Variants in IRAG2 observed in about 807,000 individuals in gnomAD.
IRAG2 encodes lymphoid restricted membrane protein.
IRAG2 carries 45 observed loss-of-function variants against 69.9 expected under a neutral mutation model. The observed-to-expected ratio is 0.64, with a 90% CI of 0.51 to 0.83. The LOEUF (loss-of-function observed/expected upper bound fraction) is 0.83. IRAG2 is among the 40% of genes least tolerant of loss of function. IRAG2 has a pLI of 0.00. For missense variants in IRAG2, 520 were observed against 587.0 expected (o/e 0.89, Z 1.18); for synonymous variants, 193 against 202.4 (o/e 0.95, Z 0.40).
In IRAG2 at chr12:25,063,740, A is replaced by G. The variant is rs1945785822; in HGVS notation, c.-283A>G. 4 of 398,920 alleles carry G rather than the reference A, an allele frequency of 1.0e-5. No individual in the cohort carries two copies. Among genetic ancestry groups the G allele is most frequent in the Non-Finnish European group, 1.3e-5 (3 of 226,066 alleles). 24.7% of individuals were successfully genotyped at this position (398,920 alleles called of 1,614,324 possible). A position where few individuals can be genotyped will look rare whatever the true frequency, so the allele number is the denominator to read the frequency against. On this transcript the variant is annotated 5_prime_UTR_variant, in exon 4 of 22. Transcript: ENST00000556887. ...TTCAGAAGCAGTGTTGCCACAAACTATATGGTGGTCAAGAAGCAAGAATAC... is the reference window on the plus strand; with the variant it reads ...TTCAGAAGCAGTGTTGCCACAAACTGTATGGTGGTCAAGAAGCAAGAATAC...
chr12:25,080,445 G>A (rs1048915944), intron 9 of IRAG2, among the ~76,000 whole-genome samples: 20 of 150,274 alleles, frequency 1.3e-4, no homozygotes, highest in Non-Finnish European at 2.1e-4. Context: ...TCCGCCTCCC[G>A]GGTTCACACC....
At chr12:25,074,800 T>C (rs75093090) in intron 6 of IRAG2, among the ~76,000 whole-genome samples, 1 of 152,362 alleles carries the variant, frequency 6.6e-6, no homozygotes, top group East Asian at 1.9e-4. Flanking sequence ...TGTCTCTCTT[T>C]GCGTTATCCT....
chr12:25,046,697 G>T (rs1944797475), intron 16 of IRAG2, among the ~76,000 whole-genome samples: 1 of 152,038 alleles, frequency 6.6e-6, no homozygotes, highest in Admixed American at 6.5e-5. Context: ...TAAATGAAAA[G>T]GCATCCTACG....
At chr12:25,001,943 G>A (rs554673001), upstream of IRAG2, among the ~76,000 whole-genome samples, 5 of 152,018 alleles carry the variant, frequency 3.3e-5, no homozygotes, top group South Asian at 1.0e-3. Context: ...GCTAATTTTT[G>A]TATTTTTAGT....
intron 16 of IRAG2, among the ~76,000 whole-genome samples, chr12:25,043,339 TG>T (rs890542699): frequency 2.0e-5 from 3 of 152,216 alleles, no homozygotes; most frequent in South Asian, 2.1e-4. Context: ...TCAGCTTTCC[TG>T]GGGGCTGCCT....
intron 16 of IRAG2, among the ~76,000 whole-genome samples, chr12:25,046,272 C>T (rs2139867318): frequency 6.6e-6 from 1 of 151,954 alleles, no homozygotes; most frequent in South Asian, 2.1e-4. Context: ...AATGGTAAAA[C>T]ACAAAGTTTT....
intron 16 of IRAG2, among the ~76,000 whole-genome samples, chr12:25,047,180 G>A (rs890553758): frequency 2.0e-5 from 3 of 152,154 alleles, no homozygotes; most frequent in Non-Finnish European, 2.9e-5. Context: ...ATTAAAAATG[G>A]ATTAAAGATG....
At chr12:25,068,303 G>C (rs540507121) in intron 5 of IRAG2, among the ~76,000 whole-genome samples, 160 of 152,292 alleles carry the variant, frequency 1.1e-3, no homozygotes, top group Non-Finnish European at 1.7e-3. Context: ...CAAATGAACA[G>C]CCAGATGAAG....
chr12:25,100,211 G>C (rs577441300), intron 15 of IRAG2, among the ~76,000 whole-genome samples: 11 of 152,040 alleles, frequency 7.2e-5, no homozygotes, highest in African/African-American at 2.2e-4. Context: ...AAGTTGGAAA[G>C]GAAGGAAGGA....
chr12:25,081,155 C>T (rs1216123850), intron 9 of IRAG2, among the ~76,000 whole-genome samples: 1 of 151,178 alleles, frequency 6.6e-6, no homozygotes, highest in African/African-American at 2.5e-5. Context: ...AATGTGGTCT[C>T]TCTCTCTCTC....
intron 8 of IRAG2, 80 bp from the exon 9 acceptor site, chr12:25,079,576 C>A: frequency 2.4e-6 from 3 of 1,272,704 alleles, no homozygotes; most frequent in Non-Finnish European, 3.4e-6. Flanking sequence ...GCAAATACTC[C>A]TTTTGCATAG....
In IRAG2 at chr12:25,088,150, T is replaced by C; in HGVS notation, c.366T>C (p.Ala122=). ...TAGAAGAACATAAAAAAGAACATGC[T>C]TCAGGAGGTAAGGAATGTTTCTTTC... The part of the protein sequence containing the change: ...ETIEEHKKEH[A]SGDSVVSPLP... The change falls in exon 11 of 22, where the codon GCT becomes GCC. Residue 122 remains alanine (A), a synonymous_variant. Coordinates refer to ENST00000556887, the MANE Select transcript of IRAG2 (RefSeq NM_001366544.2). 6.2e-7 allele frequency: 1 copy of C among 1,612,834 alleles called. No homozygotes were observed. Among genetic ancestry groups the C allele is most frequent in the Non-Finnish European group, 8.5e-7 (1 of 1,178,892 alleles).
chr12:25,035,468 A>G (rs181708425), intron 13 of IRAG2: 4 of 390,212 alleles, frequency 1.0e-5, no homozygotes, highest in African/African-American at 2.1e-5. Flanking sequence ...TAAATGTTCA[A>G]TTGGAGCCAT....
At chr12:25,093,158 T>C (rs1948187602) in intron 14 of IRAG2, 1 of 153,820 alleles carries the variant, frequency 6.5e-6, no homozygotes, top group Non-Finnish European at 1.5e-5. Context: ...GGCAAAACAA[T>C]ATTCAATTCC....
In IRAG2 at chr12:25,101,201, T is replaced by C. The variant is rs1948733499; in HGVS notation, c.765T>C (p.Val255=). Residue 255 remains valine (V), a synonymous_variant, in exon 16 of 22, where the codon GTT becomes GTC. Transcript: ENST00000556887. ...AGGAAAGCCGGGTTAGTAAAGCAGT[T>C]GAAGTGATGATTCAGCACGTAGAAA... ...INQESRVSKA[V]EVMIQHVENL... is the part of the protein sequence containing the mutation. 1 of 1,609,220 alleles carries C rather than the reference T, an allele frequency of 6.2e-7. No individual in the cohort carries two copies. Among genetic ancestry groups the C allele is most frequent in the Non-Finnish European group, 8.5e-7 (1 of 1,177,384 alleles).
chr12:25,057,674 G>A (rs1244568873), intron 1 of IRAG2, among the ~76,000 whole-genome samples: 3 of 152,050 alleles, frequency 2.0e-5, no homozygotes, highest in African/African-American at 7.2e-5. Flanking sequence ...GTCATAAAAT[G>A]TTCAGATCTC....
rs1945717948 is a variant in IRAG2, at chr12:25,062,892, G to T, written c.-312G>T. On this transcript the variant is annotated 5_prime_UTR_variant, in exon 3 of 22. Transcript: ENST00000556887. ...AGATGCAATTCAACAACCTCTTCAA[G>T]AAAAATTGGTAATTGCGAGCTTTTT... 1 of 398,978 alleles carries T rather than the reference G, an allele frequency of 2.5e-6. No homozygotes were observed. Among genetic ancestry groups the T allele is most frequent in the Non-Finnish European group, 4.4e-6 (1 of 226,022 alleles). The allele number at this position is 398,978 out of a possible 1,614,324, so 24.7% of individuals were successfully genotyped here.
In IRAG2 at chr12:25,108,239, G is replaced by C; in HGVS notation, c.*179G>C. The C allele has an allele frequency of 1.6e-6, 1 of 643,906 alleles. No homozygotes were observed. Among genetic ancestry groups the C allele is most frequent in the Non-Finnish European group, 2.6e-6 (1 of 387,674 alleles). 39.9% of individuals were successfully genotyped at this position (643,906 alleles called of 1,614,324 possible). ...TCCCCAACTAAAATACAATGGGGAA[G>C]AAGTCTGCCTATGATCTTTGAATGA... is the stretch of plus-strand genomic sequence containing the variant. On this transcript the variant is annotated 3_prime_UTR_variant, in exon 22 of 22. Transcript: ENST00000556887.
At chr12:25,015,206 C>G in exon 4 of IRAG2, 1 of 1,161,310 alleles carries the variant, frequency 8.6e-7, no homozygotes, top group Non-Finnish European at 1.0e-6. Flanking sequence ...ATAGATTAAG[C>G]AGCATCATCG....
Sources: gnomAD v4.1 joint callset for allele counts (sites outside exome capture counted in the v4.1 genomes callset) on GRCh38, gnomAD v4.1.1 for gene constraint, MANE v1.5 for transcripts, NCBI Gene and HGNC (gene_info 2026-07-23, HGNC 2026-07-21) for gene names.